TTLL11: variants seen among roughly 807,000 people sequenced by gnomAD.
TTLL11 encodes the protein tubulin polyglutamylase TTLL11.
Under a neutral mutation model 51.7 loss-of-function variants are expected in TTLL11, and 42 were observed. The observed-to-expected ratio is 0.81, with a 90% CI of 0.64 to 1.05. TTLL11 has a LOEUF of 1.05. Among genes scored for constraint, TTLL11 ranks in the 50% least tolerant of loss-of-function variants. The probability of loss-of-function intolerance (pLI) is 0.00; values close to 1 mark genes in which losing one functional copy is unlikely to be tolerated. For missense variants in TTLL11, 799 were observed against 940.4 expected (o/e 0.85, Z 1.97); for synonymous variants, 381 against 383.5 (o/e 0.99, Z 0.08).
chr9:122,048,043 T>C (rs1468831649), intron 1 of TTLL11, among the ~76,000 whole-genome samples: 1 of 152,170 alleles, frequency 6.6e-6, no homozygotes, highest in African/African-American at 2.4e-5. Context: ...CCCCACTGCC[T>C]CTGCCTTACT....
chr9:121,987,961 T>C (rs1394660115), intron 4 of TTLL11, among the ~76,000 whole-genome samples: 1 of 152,086 alleles, frequency 6.6e-6, no homozygotes, highest in African/African-American at 2.4e-5. Context: ...GGATGTCACA[T>C]AGGCACTTTA....
chr9:122,081,031 T>G (rs1201916103), intron 1 of TTLL11, among the ~76,000 whole-genome samples: 1 of 152,254 alleles, frequency 6.6e-6, no homozygotes, highest in Non-Finnish European at 1.5e-5. Flanking sequence ...ATGGTAGGAC[T>G]ATAAATGTTT....
rs139184276 is a variant in TTLL11, at chr9:121,935,990, C to T, written c.1481+38019G>A. Among the ~76,000 whole-genome samples, 474 of 152,294 alleles carry T rather than the reference C, an allele frequency of 3.1e-3. 4 individuals are homozygous for T. The highest frequency in any genetic ancestry group is 8.9e-3 in the Admixed American group (136 of 15,310). On this transcript the variant is annotated intron_variant, in intron 6 of 8. Transcript: ENST00000321582. ...AAAAGCAGCCTTAGGTAGTAACCTA[C>T]GTAACCCAGTCTCTTAGTGACTGGC...
intron 3 of TTLL11, among the ~76,000 whole-genome samples, chr9:121,994,824 T>C (rs1843208101): frequency 1.3e-5 from 2 of 152,172 alleles, no homozygotes; most frequent in Non-Finnish European, 1.5e-5. Context: ...CCCAAGTGGT[T>C]GGATGGTCTG....
intron 6 of TTLL11, among the ~76,000 whole-genome samples, chr9:121,919,255 T>C (rs1049562046): frequency 2.4e-4 from 36 of 152,216 alleles, no homozygotes; most frequent in African/African-American, 8.0e-4. Context: ...TAAATAACTT[T>C]AAAGATGGCA....
At chr9:121,940,869 C>G (rs1033332511) in intron 6 of TTLL11, among the ~76,000 whole-genome samples, 3 of 152,182 alleles carry the variant, frequency 2.0e-5, no homozygotes, top group Non-Finnish European at 4.4e-5. Flanking sequence ...TGCTTCAACT[C>G]TAATTAAACA....
In TTLL11 at chr9:121,822,636, CG is replaced by C. The variant is rs1158649834; in HGVS notation, c.2083del (p.Arg695AlafsTer85). 2.9e-6 allele frequency: 4 copies of C among 1,384,610 alleles called. No homozygotes were observed. The highest frequency in any genetic ancestry group is 2.5e-5 in the Admixed American group (1 of 40,152). The allele number at this position is 1,384,610 out of a possible 1,614,324, so 85.8% of individuals were successfully genotyped here. ...AQPAGDNPPP[R>X]TSCANKLSHP... ...GGAGAGCTTATTGGCACAGCTGGTG[CG>C]GGGTGGGGGGTTGTCCCCTGCTGGC... On this transcript the variant is annotated frameshift_variant, in exon 9 of 9. Coordinates refer to ENST00000321582, the MANE Select transcript of TTLL11 (RefSeq NM_001139442.2). LOFTEE classifies it low-confidence loss of function (END_TRUNC). This position sits in a 1 kb window ranked among gnomAD's most constrained non-coding sequence, Gnocchi z 5.8.
At chr9:122,084,850 G>C (rs961669627) in intron 1 of TTLL11, among the ~76,000 whole-genome samples, 1 of 152,140 alleles carries the variant, frequency 6.6e-6, no homozygotes, top group African/African-American at 2.4e-5. Context: ...ACAGCTGGTG[G>C]GTACTTTCAT....
chr9:122,034,227 G>C (rs911358056), intron 2 of TTLL11, among the ~76,000 whole-genome samples: 1 of 152,246 alleles, frequency 6.6e-6, no homozygotes, highest in Admixed American at 6.5e-5. Context: ...ACACAACACA[G>C]AGAGCTGTGG....
chr9:122,041,982 A>T (rs1486931657), intron 1 of TTLL11, among the ~76,000 whole-genome samples: 1 of 151,760 alleles, frequency 6.6e-6, no homozygotes, highest in Non-Finnish European at 1.5e-5. Context: ...TGAAAAAAAA[A>T]AAAAGAACCA....
intron 7 of TTLL11, among the ~76,000 whole-genome samples, chr9:121,862,189 G>C (rs1223381196): frequency 6.8e-6 from 1 of 147,194 alleles, no homozygotes; most frequent in Non-Finnish European, 1.5e-5. Flanking sequence ...TTTTTTTTTT[G>C]GTCTGGAAAT....
At chr9:122,043,831 A>AAT (rs200113303) in intron 1 of TTLL11, among the ~76,000 whole-genome samples, 3 of 151,984 alleles carry the variant, frequency 2.0e-5, no homozygotes, top group African/African-American at 7.2e-5. Context: ...CAATAGTCAG[A>AAT]ATATATATAT....
At chr9:122,064,558 A>G (rs896428117) in intron 1 of TTLL11, among the ~76,000 whole-genome samples, 1 of 152,240 alleles carries the variant, frequency 6.6e-6, no homozygotes, top group Non-Finnish European at 1.5e-5. Context: ...CATTTTACAG[A>G]TGAAACAAAT....
intron 3 of TTLL11, among the ~76,000 whole-genome samples, chr9:122,012,121 T>C (rs1843810744): frequency 6.6e-6 from 1 of 152,184 alleles, no homozygotes; most frequent in Non-Finnish European, 1.5e-5. Flanking sequence ...ATAGGAGAGA[T>C]TTCTTTCTTT....
intron 6 of TTLL11, among the ~76,000 whole-genome samples, chr9:121,886,639 C>T (rs2131430479): frequency 6.6e-6 from 1 of 152,176 alleles, no homozygotes; most frequent in East Asian, 1.9e-4. Flanking sequence ...CTAAGTCACG[C>T]AGTTTGAGGT....
chr9:122,074,255 C>A (rs1263335770), intron 1 of TTLL11, among the ~76,000 whole-genome samples: 2 of 143,208 alleles, frequency 1.4e-5, no homozygotes, highest in African/African-American at 2.6e-5. Context: ...GCCTGGGCGA[C>A]AGAGCAAGGC....
intron 1 of TTLL11, among the ~76,000 whole-genome samples, chr9:122,072,906 G>A (rs925652504): frequency 6.6e-6 from 1 of 152,210 alleles, no homozygotes; most frequent in Non-Finnish European, 1.5e-5. Flanking sequence ...GGGACACACA[G>A]GGTGTCATTT....
chr9:122,051,602 AGTCT>A (rs750668590), intron 1 of TTLL11, among the ~76,000 whole-genome samples: 13 of 152,164 alleles, frequency 8.5e-5, no homozygotes, highest in Non-Finnish European at 1.3e-4. Flanking sequence ...CCAACACCAG[AGTCT>A]GTCTGTCTCT....
intron 1 of TTLL11, among the ~76,000 whole-genome samples, chr9:122,077,445 A>G (rs1845891032): frequency 6.6e-6 from 1 of 152,182 alleles, no homozygotes; most frequent in South Asian, 2.1e-4. Flanking sequence ...CACATATTAA[A>G]TTTTCTAGGG....
Sources: gnomAD v4.1 joint callset for allele counts (sites outside exome capture counted in the v4.1 genomes callset) on GRCh38, gnomAD v4.1.1 for gene constraint, Gnocchi (gnomAD v3.1) non-coding constraint, MANE v1.5 for transcripts, NCBI Gene and HGNC (gene_info 2026-07-23, HGNC 2026-07-21) for gene names.